The following PTPRD variants were observed in gnomAD, a reference collection of about 807,000 sequenced individuals.
The protein encoded by PTPRD is protein tyrosine phosphatase receptor type D.
A neutral mutation model predicts 214.5 loss-of-function variants in PTPRD; 34 were observed. The ratio of observed to expected loss-of-function variants is 0.16; its 90% CI spans 0.12 to 0.21. The LOEUF is 0.21. PTPRD is among the 10% of genes least tolerant of loss of function. The probability of loss-of-function intolerance (pLI) is 1.00; values close to 1 mark genes in which losing one functional copy is unlikely to be tolerated. For missense variants in PTPRD, 2,545 were observed against 2,398.7 expected (o/e 1.06, Z -1.27); for synonymous variants, 1,128 against 845.7 (o/e 1.33, Z -5.79).
intron 11 of PTPRD, among the ~76,000 whole-genome samples, chr9:8,900,515 T>C (rs1228574770): frequency 6.6e-6 from 1 of 152,198 alleles, no homozygotes; most frequent in Non-Finnish European, 1.5e-5. Flanking sequence ...TATTATTAAT[T>C]TTAAAATAAT....
chr9:8,963,685 A>G (rs1488102430), intron 11 of PTPRD, among the ~76,000 whole-genome samples: 2 of 152,072 alleles, frequency 1.3e-5, no homozygotes, highest in African/African-American at 4.8e-5. Flanking sequence ...AGTGGTGCCA[A>G]CATGGCTTGC....
At chr9:10,344,877 A>G (rs1232418761) in intron 2 of PTPRD, among the ~76,000 whole-genome samples, 1 of 152,186 alleles carries the variant, frequency 6.6e-6, no homozygotes, top group Admixed American at 6.6e-5. Context: ...CAAAATCAGA[A>G]TCAAATAAAT....
intron 2 of PTPRD, among the ~76,000 whole-genome samples, chr9:10,409,400 C>G (rs1307617424): frequency 6.6e-6 from 1 of 151,686 alleles, no homozygotes; most frequent in Non-Finnish European, 1.5e-5. Context: ...ATATTATGGT[C>G]ATACTAATCA....
At chr9:8,910,259 G>T (rs1336099789) in intron 11 of PTPRD, among the ~76,000 whole-genome samples, 1 of 151,784 alleles carries the variant, frequency 6.6e-6, no homozygotes, top group African/African-American at 2.4e-5. Flanking sequence ...GGATGGTCTC[G>T]ATCTCCTGAC....
intron 10 of PTPRD, among the ~76,000 whole-genome samples, chr9:9,089,381 G>C (rs537556904): frequency 6.6e-6 from 1 of 152,308 alleles, no homozygotes; most frequent in African/African-American, 2.4e-5. Context: ...TATGGGCACA[G>C]TGCTCAAATA....
chr9:9,749,837 A>G (rs1013542526), intron 6 of PTPRD, among the ~76,000 whole-genome samples: 23 of 152,162 alleles, frequency 1.5e-4, no homozygotes, highest in African/African-American at 5.6e-4. Context: ...CTCATCCATT[A>G]AAAAGAGGAG....
intron 4 of PTPRD, among the ~76,000 whole-genome samples, chr9:9,984,211 G>C (rs1213825899): frequency 2.6e-5 from 4 of 152,094 alleles, no homozygotes; most frequent in Non-Finnish European, 5.9e-5. Context: ...GTCTGAGTCT[G>C]ATCATGAGAA....
intron 36 of PTPRD, among the ~76,000 whole-genome samples, chr9:8,395,780 C>T (rs1034337856): frequency 1.3e-5 from 2 of 151,952 alleles, no homozygotes; most frequent in African/African-American, 2.4e-5. Flanking sequence ...ATTTTCCATA[C>T]CCCCACACTG....
intron 3 of PTPRD, among the ~76,000 whole-genome samples, chr9:10,277,492 G>C (rs1048597999): frequency 1.3e-5 from 2 of 152,134 alleles, no homozygotes; most frequent in Middle Eastern, 3.2e-3. Context: ...TTCCTCATTT[G>C]TAGATGGGAA....
intron 8 of PTPRD, among the ~76,000 whole-genome samples, chr9:9,534,328 C>T (rs1569569072): frequency 6.6e-6 from 1 of 152,002 alleles, no homozygotes; most frequent in African/African-American, 2.4e-5. Context: ...CTTTATTCTT[C>T]AAAATTAGTC....
chr9:8,629,722 T>G (rs2096185745), intron 14 of PTPRD, among the ~76,000 whole-genome samples: 1 of 151,798 alleles, frequency 6.6e-6, no homozygotes, highest in East Asian at 1.9e-4. Flanking sequence ...TATTTTCTTG[T>G]GTTTCCATAG....
intron 39 of PTPRD, among the ~76,000 whole-genome samples, chr9:8,353,510 G>A (rs879419566): frequency 2.4e-4 from 36 of 152,022 alleles, no homozygotes; most frequent in Non-Finnish European, 4.3e-4. Context: ...TCGGCTCATC[G>A]TAAACTCCGT....
intron 12 of PTPRD, among the ~76,000 whole-genome samples, chr9:8,682,977 T>A (rs2097579209): frequency 6.6e-6 from 1 of 152,180 alleles, no homozygotes; most frequent in African/African-American, 2.4e-5. Flanking sequence ...AAAAAAAGTG[T>A]CTAAAGGCTT....
intron 39 of PTPRD, among the ~76,000 whole-genome samples, chr9:8,354,375 C>CT (rs1247274429): frequency 6.6e-6 from 1 of 152,038 alleles, no homozygotes; most frequent in Non-Finnish European, 1.5e-5. Context: ...AATGGTTGTC[C>CT]TACAAGATGG....
At chr9:9,704,221 C>A (rs996573939) in intron 7 of PTPRD, among the ~76,000 whole-genome samples, 1 of 152,072 alleles carries the variant, frequency 6.6e-6, no homozygotes, top group Non-Finnish European at 1.5e-5. Flanking sequence ...GAACTATTGT[C>A]TGTGATATTG....
intron 4 of PTPRD, among the ~76,000 whole-genome samples, chr9:9,945,687 A>G (rs2092444091): frequency 6.6e-6 from 1 of 152,140 alleles, no homozygotes; most frequent in African/African-American, 2.4e-5. Context: ...ATAATTTAAG[A>G]GGGGAGAAAT....
intron 11 of PTPRD, among the ~76,000 whole-genome samples, chr9:8,957,529 C>T (rs1456988136): frequency 6.6e-6 from 1 of 151,812 alleles, no homozygotes; most frequent in Non-Finnish European, 1.5e-5. Flanking sequence ...TGCAAGCACC[C>T]TCTCATCAAA....
At chr9:9,145,192 C>T (rs898495859) in intron 10 of PTPRD, among the ~76,000 whole-genome samples, 3 of 152,114 alleles carry the variant, frequency 2.0e-5, no homozygotes, top group African/African-American at 7.2e-5. Flanking sequence ...CTGTGAATCA[C>T]TTTCTAATTT....
Position 9,815,414 on chromosome 9 carries a change from A to G in PTPRD, c.-367-48563T>C, listed in dbSNP as rs533849822. Among the ~76,000 whole-genome samples, 7 of 152,322 alleles carry G rather than the reference A, an allele frequency of 4.6e-5. No individual in the cohort carries two copies. The South Asian group carries it at 1.5e-3, about 32-fold the overall frequency. ...ATATGAGAACTAAAGCTATAAAACT[A>G]AAAGGAAACGTAGAGAAAAGTCTCC... On this transcript the variant is annotated intron_variant, in intron 5 of 45. Transcript: ENST00000381196.
Sources: gnomAD v4.1 joint callset for allele counts (sites outside exome capture counted in the v4.1 genomes callset) on GRCh38, gnomAD v4.1.1 for gene constraint, MANE v1.5 for transcripts, NCBI Gene and HGNC (gene_info 2026-07-23, HGNC 2026-07-21) for gene names.